The following PAK5 variants were observed in gnomAD, a reference collection of about 807,000 sequenced individuals.
PAK5 encodes serine/threonine-protein kinase PAK 5.
A neutral mutation model predicts 65.9 loss-of-function variants in PAK5; 16 were observed. The observed-to-expected ratio is 0.24, with a 90% CI of 0.16 to 0.37. PAK5 has a LOEUF of 0.37. PAK5 is among the 10% of genes least tolerant of loss of function. PAK5 has a pLI of 1.00. For synonymous variants in PAK5, 371 were observed against 354.9 expected, an observed-to-expected ratio of 1.05 and a Z score of -0.51; for missense variants, 785 against 903.9, an observed-to-expected ratio of 0.87 and a Z score of 1.69.
intron 3 of PAK5, among the ~76,000 whole-genome samples, chr20:9,593,450 A>G (rs2046209272): frequency 6.6e-6 from 1 of 152,066 alleles, no homozygotes; most frequent in African/African-American, 2.4e-5. Flanking sequence ...CTTTTTATTT[A>G]TTTATTTATT....
chr20:9,630,298 TAGAA>T (rs940283150), intron 3 of PAK5, among the ~76,000 whole-genome samples: 35 of 152,226 alleles, frequency 2.3e-4, no homozygotes, highest in African/African-American at 7.9e-4. Context: ...GTTAGAAACT[TAGAA>T]AGATCAAAAG....
intron 2 of PAK5, among the ~76,000 whole-genome samples, chr20:9,656,546 T>C (rs2047270812): frequency 6.6e-6 from 1 of 152,138 alleles, no homozygotes; most frequent in African/African-American, 2.4e-5. Flanking sequence ...ATAGGCAAGG[T>C]AGTGGTGTTT....
intron 1 of PAK5, among the ~76,000 whole-genome samples, chr20:9,746,345 C>G (rs1021668005): frequency 6.6e-6 from 1 of 152,168 alleles, no homozygotes; most frequent in Admixed American, 6.5e-5. Context: ...CCAGAAACCG[C>G]ACAGACATTC....
chr20:9,687,158 A>G (rs761419465), intron 2 of PAK5, among the ~76,000 whole-genome samples: 3 of 152,174 alleles, frequency 2.0e-5, no homozygotes, highest in Non-Finnish European at 4.4e-5. Context: ...AGGATGGAAA[A>G]AAGAGGCCTC....
intron 3 of PAK5, among the ~76,000 whole-genome samples, chr20:9,596,096 C>A (rs1394046755): frequency 6.6e-6 from 1 of 152,166 alleles, no homozygotes; most frequent in African/African-American, 2.4e-5. Flanking sequence ...ACTTGGGAAA[C>A]AAAGTTGATT....
At chr20:9,812,446 T>C (rs567624331) in intron 1 of PAK5, among the ~76,000 whole-genome samples, 10 of 152,142 alleles carry the variant, frequency 6.6e-5, no homozygotes, top group Admixed American at 5.2e-4. Flanking sequence ...ACCACTCCTA[T>C]CAGATTAGCA....
In PAK5 at chr20:9,557,882, T is replaced by C. The variant is rs532460608; in HGVS notation, c.1617-148A>G. 1.5e-5 allele frequency: 8 copies of C among 531,376 alleles called. No individual in the cohort carries two copies. In the South Asian group the frequency reaches 2.6e-4, roughly 17 times the overall value. The allele number at this position is 531,376 out of a possible 1,614,324, so 32.9% of individuals were successfully genotyped here. On this transcript the variant is annotated intron_variant, in intron 6 of 9. Transcript: ENST00000353224. Reference sequence around the variant, plus strand: ...ACCTGCAGACAAGGGAAGGAAGTCTTTGGGATCTGACTCCCAGAAAAAAGG... The same window carrying C: ...ACCTGCAGACAAGGGAAGGAAGTCTCTGGGATCTGACTCCCAGAAAAAAGG...
At chr20:9,626,900 C>T (rs1472409082) in intron 3 of PAK5, among the ~76,000 whole-genome samples, 1 of 151,664 alleles carries the variant, frequency 6.6e-6, no homozygotes, top group Non-Finnish European at 1.5e-5. Flanking sequence ...ACAATCTCAC[C>T]CTTTCGTGTA....
At chr20:9,617,286 C>T (rs546532712) in intron 3 of PAK5, among the ~76,000 whole-genome samples, 11 of 152,236 alleles carry the variant, frequency 7.2e-5, no homozygotes, top group African/African-American at 2.6e-4. Context: ...CTGCTTTAAC[C>T]ATTTAAAATT....
rs932289046 is a variant in PAK5, at chr20:9,566,105, G to T, written c.1270C>A (p.Pro424Thr). ...PSWGSSSDQQ[P>T]SRVSHEQFRA... The stretch of plus-strand genomic sequence containing the variant: ...AACTGTTCATGGGACACCCTGGAGG[G>T]CTGCTGGTCGGAGGAGGAGCCCCAG... Residue 424 changes from proline (P) to threonine (T), a missense_variant, in exon 5 of 10, where the codon CCC becomes ACC. This residue lies in a region of PAK5 where 182 missense variants were observed against 273.0 expected (regional missense o/e 0.67). Transcript: ENST00000353224. 3 of 1,613,966 alleles carry T rather than the reference G, an allele frequency of 1.9e-6. No individual in the cohort carries two copies. The highest frequency in any genetic ancestry group is 2.5e-6 in the Non-Finnish European group (3 of 1,179,924).
chr20:9,561,824 A>G (rs891453707), intron 6 of PAK5, among the ~76,000 whole-genome samples: 1 of 152,192 alleles, frequency 6.6e-6, no homozygotes, highest in African/African-American at 2.4e-5. Context: ...AAAGTTTCCC[A>G]AATGTAACAT....
chr20:9,543,364 T>C (rs2045296559), intron 8 of PAK5, among the ~76,000 whole-genome samples: 1 of 152,136 alleles, frequency 6.6e-6, no homozygotes, highest in African/African-American at 2.4e-5. Flanking sequence ...GCCATCACTG[T>C]GCTATAAACT....
At chr20:9,695,136 T>C (rs2047851153) in intron 2 of PAK5, among the ~76,000 whole-genome samples, 1 of 152,182 alleles carries the variant, frequency 6.6e-6, no homozygotes, top group Non-Finnish European at 1.5e-5. Context: ...CCTAGTGAGT[T>C]TGAGCTTCTT....
intron 2 of PAK5, among the ~76,000 whole-genome samples, chr20:9,656,241 G>A (rs1238050950): frequency 6.6e-6 from 1 of 152,118 alleles, no homozygotes; most frequent in African/African-American, 2.4e-5. Flanking sequence ...CTGGCACATA[G>A]TAGATGAGCA....
At chr20:9,809,379 G>A (rs1203430723) in intron 1 of PAK5, among the ~76,000 whole-genome samples, 17 of 132,786 alleles carry the variant, frequency 1.3e-4, no homozygotes, top group Admixed American at 5.8e-4. Flanking sequence ...TAATGACTCC[G>A]ATTCTAGGGT....
chr20:9,642,576 C>G (rs1481107013), intron 3 of PAK5, among the ~76,000 whole-genome samples: 4 of 152,134 alleles, frequency 2.6e-5, no homozygotes, highest in African/African-American at 7.2e-5. Flanking sequence ...TGAAACTAAA[C>G]AAGCAGATTT....
At chr20:9,643,877 T>C (rs1326237609) in intron 3 of PAK5, among the ~76,000 whole-genome samples, 2 of 152,232 alleles carry the variant, frequency 1.3e-5, no homozygotes, top group Non-Finnish European at 2.9e-5. Context: ...AAAAATGTCC[T>C]ATTTTGTGAT....
At chr20:9,675,038 C>T (rs2047550347) in intron 2 of PAK5, among the ~76,000 whole-genome samples, 1 of 152,140 alleles carries the variant, frequency 6.6e-6, no homozygotes, top group Non-Finnish European at 1.5e-5. Context: ...ATCTGCTGCA[C>T]AATTCCTCCT....
At chr20:9,662,066 T>A (rs2047354209) in intron 2 of PAK5, among the ~76,000 whole-genome samples, 1 of 152,142 alleles carries the variant, frequency 6.6e-6, no homozygotes, top group African/African-American at 2.4e-5. Context: ...TTTACTATGA[T>A]TCTTGAATAA....
Sources: allele counts gnomAD v4.1 joint callset (sites outside exome capture counted in the v4.1 genomes callset), GRCh38; gene constraint gnomAD v4.1.1; regional missense constraint gnomAD v4.1.1; transcripts MANE v1.5; gene names NCBI Gene and HGNC (gene_info 2026-07-23, HGNC 2026-07-21).